MTPAP: variants seen among roughly 807,000 people sequenced by gnomAD.
The protein encoded by MTPAP is mitochondrial poly(A) polymerase.
A neutral mutation model predicts 48.7 loss-of-function variants in MTPAP; 23 were observed. The ratio of observed to expected loss-of-function variants is 0.47; its 90% CI spans 0.34 to 0.67. MTPAP has a LOEUF of 0.67. Ranked by LOEUF, MTPAP falls within the 30% of genes least tolerant of loss-of-function variation. The pLI, the probability that MTPAP is intolerant of heterozygous loss-of-function variation, is 0.01. For synonymous variants in MTPAP, 257 were observed against 254.1 expected, an observed-to-expected ratio of 1.01 and a Z score of -0.11; for missense variants, 614 against 694.3, an observed-to-expected ratio of 0.88 and a Z score of 1.30.
At chr10:30,333,753 A>G (rs1288801715) in intron 4 of MTPAP, among the ~76,000 whole-genome samples, 1 of 152,094 alleles carries the variant, frequency 6.6e-6, no homozygotes, top group Non-Finnish European at 1.5e-5. Context: ...TATCTCTAAA[A>G]TAATTAGCCG....
chr10:30,315,420 C>T (rs1228208304), intron 8 of MTPAP, among the ~76,000 whole-genome samples: 1 of 150,592 alleles, frequency 6.6e-6, no homozygotes, highest in Non-Finnish European at 1.5e-5. Flanking sequence ...TTTGTCTAGA[C>T]TTCTGCCTGA....
chr10:30,329,480 C>T (rs958398182), intron 4 of MTPAP, among the ~76,000 whole-genome samples: 11 of 151,994 alleles, frequency 7.2e-5, no homozygotes, highest in African/African-American at 9.7e-5. Flanking sequence ...GTGATCCTCC[C>T]GCTGCAGCCT....
chr10:30,321,781 T>A (rs1173194020), intron 6 of MTPAP, among the ~76,000 whole-genome samples: 1 of 152,192 alleles, frequency 6.6e-6, no homozygotes, highest in Non-Finnish European at 1.5e-5. Flanking sequence ...ACCCCTTAAT[T>A]ATCTTCCCTT....
chr10:30,327,060 AAAG>A (rs1178524755), intron 4 of MTPAP, among the ~76,000 whole-genome samples: 7 of 152,200 alleles, frequency 4.6e-5, no homozygotes, highest in Non-Finnish European at 7.3e-5. Flanking sequence ...TCAGTAGAAG[AAAG>A]AAGACTAGAT....
rs373022016 is a variant in MTPAP at position 30,326,558 on chromosome 10, A to G, written c.858T>C (p.Ser286=). The change falls in exon 5 of 9, where the codon TCT becomes TCC. Residue 286 remains serine, a synonymous_variant. Transcript: ENST00000263063. Reference sequence around the variant, plus strand: ...AGTGGTCAAGGCACTCTCCTAACACAGACAGGATCTTCTGAGTTGCAATTC... The same window carrying G: ...AGTGGTCAAGGCACTCTCCTAACACGGACAGGATCTTCTGAGTTGCAATTC... ...SERIATQKIL[S]VLGECLDHFG... is the part of the protein sequence containing the mutation. 2.1e-5 allele frequency: 34 copies of G among 1,614,040 alleles called. No homozygotes were observed. Among genetic ancestry groups the G allele is most frequent in the Non-Finnish European group, 2.8e-5 (33 of 1,180,008 alleles).
rs1182945070 is a variant in MTPAP, at chr10:30,313,974, A to G, written c.1387-3T>C. ...TCAGGTTTGTTTTGCTCCCTTCCCT[A>G]TAGATTATTACACAGAAGAAAAAAT... On this transcript the variant is annotated splice_polypyrimidine_tract_variant and splice_region_variant and intron_variant, in intron 8 of 8. Coordinates refer to ENST00000263063, the MANE Select transcript of MTPAP (RefSeq NM_018109.4). 4.3e-6 allele frequency: 7 copies of G among 1,612,654 alleles called. No homozygotes were observed. Among genetic ancestry groups the G allele is most frequent in the African/African-American group, 1.3e-5 (1 of 74,906 alleles).
Position 30,341,620 on chromosome 10 carries a change from T to C in MTPAP, c.178A>G (p.Lys60Glu), listed in dbSNP as rs764293103. 1.9e-6 allele frequency: 3 copies of C among 1,613,994 alleles called. No individual in the cohort carries two copies. Among genetic ancestry groups the C allele is most frequent in the East Asian group, 2.2e-5 (1 of 44,884 alleles). ...TTTTGCATCTCAGAGAATCTCCTTTTGGGAATCTTGTCTTCAAAGCCTATG... is the reference window on the plus strand; with the variant it reads ...TTTTGCATCTCAGAGAATCTCCTTTCGGGAATCTTGTCTTCAAAGCCTATG... ...VETGFEDKIP[K>E]RRFSEMQNER... The change falls in exon 2 of 9, where the codon AAA becomes GAA. Residue 60 changes from lysine (K) to glutamate (E), a missense_variant. Physicochemically the swap from Lys to Glu is moderately conservative, Grantham distance 56. Around this residue, in one of 5 missense-constraint regions of MTPAP, gnomAD observed 125 missense variants for 111.5 expected, o/e 1.12. Coordinates refer to ENST00000263063, the MANE Select transcript of MTPAP (RefSeq NM_018109.4).
intron 1 of MTPAP, among the ~76,000 whole-genome samples, chr10:30,343,708 C>T (rs1004288195): frequency 1.5e-4 from 23 of 152,138 alleles, no homozygotes; most frequent in African/African-American, 5.6e-4. Context: ...GCCGGTATTA[C>T]AGGCGTGCGC....
chr10:30,340,645 G>A (rs910816184), intron 2 of MTPAP, among the ~76,000 whole-genome samples, 195 bp from the exon 3 acceptor site: 3 of 152,120 alleles, frequency 2.0e-5, no homozygotes, highest in South Asian at 2.1e-4. Flanking sequence ...TGGGCCGGGC[G>A]CAGTGGCTCA....
chr10:30,330,582 C>G (rs561973043), intron 4 of MTPAP, among the ~76,000 whole-genome samples: 10 of 152,264 alleles, frequency 6.6e-5, no homozygotes, highest in African/African-American at 2.2e-4. Context: ...AAAAATAGCT[C>G]TGATTAATGG....
intron 6 of MTPAP, among the ~76,000 whole-genome samples, chr10:30,321,895 T>C (rs1239886791): frequency 6.6e-6 from 1 of 152,234 alleles, no homozygotes; most frequent in South Asian, 2.1e-4. Flanking sequence ...TATAAAATCA[T>C]TTATAATACA....
chr10:30,342,081 C>T (rs1481083267), intron 1 of MTPAP, among the ~76,000 whole-genome samples: 3 of 151,968 alleles, frequency 2.0e-5, no homozygotes, highest in Non-Finnish European at 2.9e-5. Context: ...ACTAAAAATA[C>T]AAAAATTAGC....
chr10:30,339,947 C>G, intron 3 of MTPAP: 1 of 462,718 alleles, frequency 2.2e-6, no homozygotes, highest in Non-Finnish European at 4.0e-6. Flanking sequence ...ATCTCAAGAC[C>G]ATATGCCAGT....
intron 4 of MTPAP, among the ~76,000 whole-genome samples, chr10:30,333,919 A>G (rs1004885187): frequency 1.3e-5 from 2 of 151,942 alleles, no homozygotes; most frequent in African/African-American, 4.8e-5. Context: ...TAATAATAAT[A>G]ATTATTATTA....
Position 30,326,559 on chromosome 10 carries a change from G to C in MTPAP, c.857C>G (p.Ser286Cys), listed in dbSNP as rs1313386087. 2 of 1,613,944 alleles carry C rather than the reference G, an allele frequency of 1.2e-6. No homozygotes were observed. The highest frequency in any genetic ancestry group is 2.2e-5 in the East Asian group (1 of 44,888). Reference sequence around the variant, plus strand: ...GTGGTCAAGGCACTCTCCTAACACAGACAGGATCTTCTGAGTTGCAATTCT... The same window carrying C: ...GTGGTCAAGGCACTCTCCTAACACACACAGGATCTTCTGAGTTGCAATTCT... ...SERIATQKILSVLGECLDHFG... is the reference protein window; with the variant it reads ...SERIATQKILCVLGECLDHFG... The change falls in exon 5 of 9, where the codon TCT (serine) becomes TGT (cysteine). Residue 286 changes from serine to cysteine, a missense_variant. Around this residue, in one of 5 missense-constraint regions of MTPAP, gnomAD observed 261 missense variants for 355.4 expected, o/e 0.73. Coordinates refer to ENST00000263063, the MANE Select transcript of MTPAP (RefSeq NM_018109.4).
At chr10:30,333,100 G>A (rs1490603103) in intron 4 of MTPAP, among the ~76,000 whole-genome samples, 2 of 151,668 alleles carry the variant, frequency 1.3e-5, no homozygotes, top group Non-Finnish European at 2.9e-5. Context: ...CAGCCTGGGA[G>A]ACAGAGCAAG....
At chr10:30,340,860 A>C (rs1383771916) in intron 2 of MTPAP, among the ~76,000 whole-genome samples, 1 of 152,160 alleles carries the variant, frequency 6.6e-6, no homozygotes. Flanking sequence ...CGGAGGTTGC[A>C]ATGACCCAAG....
Position 30,313,751 on chromosome 10 carries a change from G to A in MTPAP, c.1607C>T (p.Pro536Leu). The change falls in exon 9 of 9, where the codon CCA (proline) becomes CTA (leucine). Residue 536 changes from proline (P) to leucine (L), a missense_variant. Physicochemically the swap from Pro to Leu is moderately conservative, Grantham distance 98 (BLOSUM62 -3). Coordinates refer to ENST00000263063, the MANE Select transcript of MTPAP (RefSeq NM_018109.4). Reference protein sequence around the residue: ...GLVSLLLPSAPNRKSFTKKKS... With the variant: ...GLVSLLLPSALNRKSFTKKKS... ...CTTCTTGGTAAAGGACTTTCTGTTT[G>A]GAGCAGATGGTAGCAATAGGGATAC... 1 of 1,614,100 alleles carries A rather than the reference G, an allele frequency of 6.2e-7. No individual in the cohort carries two copies.
In MTPAP at chr10:30,340,642, G is replaced by T. The variant is rs1834792378; in HGVS notation, c.331-192C>A. The stretch of plus-strand genomic sequence containing the variant: ...GATGAAGAAAAGGAACACTGGGCCG[G>T]GCGCAGTGGCTCACGCTTGTAATCC... On this transcript the variant is annotated intron_variant, in intron 2 of 8. Coordinates refer to ENST00000263063, the MANE Select transcript of MTPAP (RefSeq NM_018109.4). 2.6e-5 allele frequency among the ~76,000 whole-genome samples: 4 copies of T among 152,162 alleles called. No individual in the cohort carries two copies. In the South Asian group the frequency reaches 6.2e-4, roughly 24 times the overall value.
Sources: gnomAD v4.1 joint callset for allele counts (sites outside exome capture counted in the v4.1 genomes callset) on GRCh38, gnomAD v4.1.1 for gene constraint, gnomAD v4.1.1 regional missense constraint, MANE v1.5 for transcripts, NCBI Gene and HGNC (gene_info 2026-07-23, HGNC 2026-07-21) for gene names.